Variants in ELL2 observed in about 807,000 individuals in gnomAD.
The protein encoded by ELL2 is RNA polymerase II elongation factor ELL2.
A neutral mutation model predicts 72.8 loss-of-function variants in ELL2; 21 were observed. That is an observed-to-expected ratio of 0.29 (90% CI 0.20 to 0.42). The LOEUF (loss-of-function observed/expected upper bound fraction) is 0.42. Ranked by LOEUF, ELL2 falls within the 10% of genes least tolerant of loss-of-function variation. The pLI, the probability that ELL2 is intolerant of heterozygous loss-of-function variation, is 1.00. For missense variants in ELL2, 568 were observed against 772.8 expected (o/e 0.73, Z 3.14); for synonymous variants, 266 against 283.2 (o/e 0.94, Z 0.61).
Position 95,898,529 on chromosome 5 carries a change from A to G in ELL2, c.1236T>C (p.Val412=), listed in dbSNP as rs764973449. The part of the protein sequence containing the change: ...PEGRGTQDLP[V]DSFSQNDSIY... Reference sequence around the variant, plus strand: ...TACTATCGTTTTGACTAAAACTGTCAACAGGTAGGTCTTGAGTCCCCCGGC... The same window carrying G: ...TACTATCGTTTTGACTAAAACTGTCGACAGGTAGGTCTTGAGTCCCCCGGC... Residue 412 remains valine, a synonymous_variant, in exon 8 of 12, where the codon GTT becomes GTC. Coordinates refer to ENST00000237853, the MANE Select transcript of ELL2 (RefSeq NM_012081.6). 4 of 1,614,160 alleles carry G rather than the reference A, an allele frequency of 2.5e-6. No homozygotes were observed. The highest frequency in any genetic ancestry group is 3.4e-6 in the Non-Finnish European group (4 of 1,180,042).
chr5:95,899,708 C>T (rs1446143759), intron 7 of ELL2, among the ~76,000 whole-genome samples: 1 of 152,046 alleles, frequency 6.6e-6, no homozygotes, highest in Non-Finnish European at 1.5e-5. Context: ...GGTTAATCAA[C>T]TCATTATTTT....
intron 2 of ELL2, among the ~76,000 whole-genome samples, chr5:95,935,074 T>C (rs1405759184): frequency 6.6e-6 from 1 of 152,162 alleles, no homozygotes; most frequent in Non-Finnish European, 1.5e-5. Flanking sequence ...TCCTCTCCTT[T>C]TCCCTCTGCC....
At chr5:95,946,839 G>A (rs562099922) in intron 1 of ELL2, among the ~76,000 whole-genome samples, 2 of 152,188 alleles carry the variant, frequency 1.3e-5, no homozygotes, top group Admixed American at 1.3e-4. Context: ...ACCTTCCTTT[G>A]GATAAACCAG....
At chr5:95,896,617 G>A (rs533354693) in intron 8 of ELL2, among the ~76,000 whole-genome samples, 1 of 152,234 alleles carries the variant, frequency 6.6e-6, no homozygotes, top group Non-Finnish European at 1.5e-5. Flanking sequence ...ATGCTTTTAC[G>A]ATAGTCTGAG....
At chr5:95,892,693 T>TATA (rs1748711923) in intron 9 of ELL2, among the ~76,000 whole-genome samples, 1 of 152,210 alleles carries the variant, frequency 6.6e-6, no homozygotes, top group South Asian at 2.1e-4. Context: ...AATGGTCTTA[T>TATA]ATAAGCCCAT....
In ELL2 at chr5:95,927,404, CACACGTGTGTATATAGACAT is replaced by C. The variant is rs1561504195; in HGVS notation, c.196-7879_196-7860del. ...ACACGTGTGTATATATAGACATACA[CACACGTGTGTATATAGACAT>C]ACACACACACGTGTGTATATAGACA... On this transcript the variant is annotated intron_variant, in intron 2 of 11. Transcript: ENST00000237853. Among the ~76,000 whole-genome samples the C allele has an allele frequency of 1.8e-4, 7 of 38,088 alleles. 1 individual carries two copies. Among genetic ancestry groups the C allele is most frequent in the Non-Finnish European group, 1.3e-4 (3 of 22,632 alleles). The allele number at this position is 38,088 out of a possible 152,430, so 25.0% of individuals were successfully genotyped here. A position where few individuals can be genotyped will look rare whatever the true frequency, so the allele number is the denominator to read the frequency against.
intron 2 of ELL2, chr5:95,932,601 A>G (rs1472697572): frequency 6.6e-6 from 1 of 152,210 alleles, no homozygotes; most frequent in Non-Finnish European, 1.5e-5. Context: ...ATAAAGTAGT[A>G]AAACATTTTA....
chr5:95,952,861 G>C (rs1264608593), intron 1 of ELL2, among the ~76,000 whole-genome samples: 2 of 152,164 alleles, frequency 1.3e-5, no homozygotes, highest in Non-Finnish European at 2.9e-5. Flanking sequence ...AAGAGATAGA[G>C]ACCTCCAACA....
intron 3 of ELL2, among the ~76,000 whole-genome samples, chr5:95,917,442 G>A (rs918601104): frequency 5.9e-5 from 9 of 152,308 alleles, no homozygotes; most frequent in African/African-American, 2.2e-4. Flanking sequence ...GCATAAGAAA[G>A]CCTCTGACCT....
chr5:95,921,729 T>C (rs1188973495), intron 2 of ELL2, among the ~76,000 whole-genome samples: 4 of 152,216 alleles, frequency 2.6e-5, no homozygotes, highest in Admixed American at 2.6e-4. Flanking sequence ...TTTGTTTCTC[T>C]GGGAAGAGCA....
chr5:95,914,033 G>A, intron 3 of ELL2, 99 bp from the exon 4 acceptor site: 1 of 1,094,228 alleles, frequency 9.1e-7, no homozygotes, highest in Non-Finnish European at 1.2e-6. Context: ...GCCCAACTAA[G>A]TTTGCAATCC....
chr5:95,891,047 GGAAA>G, intron 10 of ELL2, 52 bp downstream of exon 10: 1 of 1,609,246 alleles, frequency 6.2e-7, no homozygotes, highest in South Asian at 1.1e-5. Context: ...AGCAGGGCAG[GGAAA>G]GAAAGAAGGT....
At position 95,961,659 on chromosome 5, in the gene ELL2, C is replaced by A. The variant is rs1397404282; in HGVS notation, c.63G>T (p.Arg21=). The change falls in exon 1 of 12, where the codon CGG becomes CGT. Residue 21 remains arginine, a synonymous_variant. Coordinates refer to ENST00000237853, the MANE Select transcript of ELL2 (RefSeq NM_012081.6). The part of the protein sequence containing the change: ...EEQRYGLSCG[R]LGQDNITVLH... ...GTACGGTGATGTTGTCCTGCCCCAG[C>A]CGTCCGCACGACAGCCCATAGCGCT... is the stretch of plus-strand genomic sequence containing the variant. The A allele has an allele frequency of 6.2e-7, 1 of 1,609,948 alleles. No homozygotes were observed. Among genetic ancestry groups the A allele is most frequent in the South Asian group, 1.1e-5 (1 of 90,644 alleles).
intron 6 of ELL2, 86 bp from the exon 7 acceptor site, chr5:95,900,866 T>G (rs2112280327): frequency 6.4e-7 from 1 of 1,560,078 alleles, no homozygotes; most frequent in East Asian, 2.2e-5. Context: ...CTTCCCACCT[T>G]AACACTAAAA....
At chr5:95,927,387 GTATA>G (rs768690663) in intron 2 of ELL2, among the ~76,000 whole-genome samples, 1 of 56,962 alleles carries the variant, frequency 1.8e-5, no homozygotes, top group Non-Finnish European at 3.1e-5. Flanking sequence ...ACACACGTGT[GTATA>G]TATAGACATA....
chr5:95,891,202 C>T lies in ELL2; in HGVS notation c.1662G>A (p.Glu554=). The T allele has an allele frequency of 6.2e-7, 1 of 1,614,130 alleles. No homozygotes were observed. Among genetic ancestry groups the T allele is most frequent in the East Asian group, 2.2e-5 (1 of 44,890 alleles). ...YKDDFNAEYD[E]YRALHARMET... ...CCATCCTGGCATGCAAAGCTCTGTA[C>T]TCATCATACTCTGCATTGAAGTCAT... Residue 554 remains glutamate, a synonymous_variant, in exon 10 of 12, where the codon GAG becomes GAA. Coordinates refer to ENST00000237853, the MANE Select transcript of ELL2 (RefSeq NM_012081.6).
In ELL2 at chr5:95,887,718, C is replaced by T. The variant is rs1056864893; in HGVS notation, c.*1153G>A. ...TATCCACTCTTTTTTATATTCCTGGCACCAGGATGAAAAAAAAAATCTTTA... is the reference window on the plus strand; with the variant it reads ...TATCCACTCTTTTTTATATTCCTGGTACCAGGATGAAAAAAAAAATCTTTA... On this transcript the variant is annotated 3_prime_UTR_variant, in exon 12 of 12. Transcript: ENST00000237853. The T allele has an allele frequency of 7.3e-6, 1 of 136,770 alleles. No individual in the cohort carries two copies. Among genetic ancestry groups the T allele is most frequent in the African/African-American group, 3.1e-5 (1 of 32,302 alleles). 8.5% of individuals were successfully genotyped at this position (136,770 alleles called of 1,614,324 possible). A position where few individuals can be genotyped will look rare whatever the true frequency, so the allele number is the denominator to read the frequency against.
chr5:95,888,669 T>A lies in ELL2; in HGVS notation c.*202A>T. 1 of 379,920 alleles carries A rather than the reference T, an allele frequency of 2.6e-6. No individual in the cohort carries two copies. The highest frequency in any genetic ancestry group is 4.6e-5 in the Admixed American group (1 of 21,672). 23.5% of individuals were successfully genotyped at this position (379,920 alleles called of 1,614,324 possible). A position where few individuals can be genotyped will look rare whatever the true frequency, so the allele number is the denominator to read the frequency against. On this transcript the variant is annotated 3_prime_UTR_variant, in exon 12 of 12. Coordinates refer to ENST00000237853, the MANE Select transcript of ELL2 (RefSeq NM_012081.6). ...TATTAACAAACACAAGTCTTGGGGG[T>A]GGGGTGGTGGGGAGGACCAGAAAGA... is the stretch of plus-strand genomic sequence containing the variant.
At chr5:95,911,362 G>A (rs183488097) in intron 4 of ELL2, among the ~76,000 whole-genome samples, 106 of 147,836 alleles carry the variant, frequency 7.2e-4, no homozygotes, top group African/African-American at 2.5e-3. Context: ...TTTTTGAGAC[G>A]GAGTCTCGCT....
Sources: gnomAD v4.1 joint callset for allele counts (sites outside exome capture counted in the v4.1 genomes callset) on GRCh38, gnomAD v4.1.1 for gene constraint, MANE v1.5 for transcripts, NCBI Gene and HGNC (gene_info 2026-07-23, HGNC 2026-07-21) for gene names.